Variants in PRDM16 observed in about 807,000 individuals in gnomAD.
PRDM16 encodes PR/SET domain 16.
Under a neutral mutation model 110.6 loss-of-function variants are expected in PRDM16, and 23 were observed. The ratio of observed to expected loss-of-function variants is 0.21; its 90% CI spans 0.15 to 0.29. The LOEUF (loss-of-function observed/expected upper bound fraction) is 0.29. PRDM16 is among the 10% of genes least tolerant of loss of function. PRDM16 has a pLI of 1.00. For missense variants in PRDM16, 1,615 were observed against 1,794.3 expected (o/e 0.90, Z 1.81); for synonymous variants, 799 against 781.8 (o/e 1.02, Z -0.37).
At chr1:3,334,940 C>T (rs565365985) in intron 3 of PRDM16, among the ~76,000 whole-genome samples, 3 of 152,344 alleles carry the variant, frequency 2.0e-5, no homozygotes, top group African/African-American at 7.2e-5. Context: ...GCCATCCACG[C>T]GTCCAACCCC....
rs755741790 is a variant in PRDM16 at position 3,430,859 on chromosome 1, T to TG, written c.3285-12dup. 6.2e-7 allele frequency: 1 copy of TG among 1,613,396 alleles called. No homozygotes were observed. The highest frequency in any genetic ancestry group is 8.5e-7 in the Non-Finnish European group (1 of 1,179,510). ...CACCCAAACTCAGTCAATCTCCTCC[T>TG]GCATCATTTCAGGGCGGACATGCAG... On this transcript the variant is annotated splice_polypyrimidine_tract_variant and intron_variant, in intron 14 of 16. Transcript: ENST00000270722.
chr1:3,233,867 C>T (rs1418419113), intron 2 of PRDM16, among the ~76,000 whole-genome samples: 2 of 150,672 alleles, frequency 1.3e-5, no homozygotes, highest in Non-Finnish European at 2.9e-5. Context: ...CCAATCATAC[C>T]GCAATGAAGT....
chr1:3,374,161 G>C (rs1355780049), intron 3 of PRDM16, among the ~76,000 whole-genome samples: 2 of 152,210 alleles, frequency 1.3e-5, no homozygotes, highest in Admixed American at 1.3e-4. Context: ...CCAGGGGCCA[G>C]GGCCGGCTTT....
At chr1:3,072,923 G>A (rs982039043) in intron 1 of PRDM16, among the ~76,000 whole-genome samples, 14 of 152,390 alleles carry the variant, frequency 9.2e-5, no homozygotes, top group South Asian at 4.1e-4. Flanking sequence ...GCCATGGCTC[G>A]GAAGCTGGCA....
In PRDM16 at chr1:3,322,885, TTTCTACC is replaced by T. The variant is rs1302763718; in HGVS notation, c.439-62262_439-62256del. ...AGCAGGGGTTCATGGCCTTCTTACC[TTTCTACC>T]TTCTGGATGTGGTTCAGTGGACTGG... is the stretch of plus-strand genomic sequence containing the variant. On this transcript the variant is annotated intron_variant, in intron 3 of 16. Coordinates refer to ENST00000270722, the MANE Select transcript of PRDM16 (RefSeq NM_022114.4). 2.0e-5 allele frequency among the ~76,000 whole-genome samples: 3 copies of T among 152,302 alleles called. No individual in the cohort carries two copies. In the East Asian group the frequency reaches 5.8e-4, roughly 29 times the overall value.
intron 3 of PRDM16, among the ~76,000 whole-genome samples, chr1:3,335,392 G>T (rs1379766416): frequency 6.6e-6 from 1 of 152,202 alleles, no homozygotes; most frequent in East Asian, 1.9e-4. Context: ...GGAGGATGGG[G>T]AACAGTTCCT....
intron 3 of PRDM16, among the ~76,000 whole-genome samples, chr1:3,295,489 G>A (rs1570012603): frequency 1.3e-5 from 2 of 152,320 alleles, no homozygotes; most frequent in East Asian, 3.9e-4. Context: ...CAGCGTGTGG[G>A]GGCTGGGAAG....
At chr1:3,196,623 T>C (rs953720943) in intron 2 of PRDM16, among the ~76,000 whole-genome samples, 8 of 152,178 alleles carry the variant, frequency 5.3e-5, no homozygotes, top group Non-Finnish European at 7.4e-5. Context: ...CTGACCCAGA[T>C]GGTCAGCCTG....
chr1:3,366,780 A>AT (rs1223606590), intron 3 of PRDM16, among the ~76,000 whole-genome samples: 3 of 151,996 alleles, frequency 2.0e-5, no homozygotes, highest in African/African-American at 7.3e-5. Flanking sequence ...TATTTATTTT[A>AT]TTTTTTTACT....
intron 3 of PRDM16, among the ~76,000 whole-genome samples, chr1:3,332,421 G>C (rs1156359611): frequency 1.3e-5 from 2 of 151,850 alleles, no homozygotes; most frequent in South Asian, 4.2e-4. Context: ...GGGGGAGGCC[G>C]TGGGGCGGCT....
At chr1:3,259,397 G>T (rs991239928) in intron 3 of PRDM16, among the ~76,000 whole-genome samples, 2 of 152,236 alleles carry the variant, frequency 1.3e-5, no homozygotes, top group Non-Finnish European at 2.9e-5. Context: ...TCAGGCCTGG[G>T]TGGTAGAGGC....
At position 3,181,096 on chromosome 1, in the gene PRDM16, ACG is replaced by A. The variant is rs1644156976; in HGVS notation, c.38-5027_38-5026del. 2.5e-3 allele frequency among the ~76,000 whole-genome samples: 58 copies of A among 22,856 alleles called. 1 individual carries two copies. Among genetic ancestry groups the A allele is most frequent in the Non-Finnish European group, 5.6e-3 (26 of 4,634 alleles). The allele number at this position is 22,856 out of a possible 152,430, so 15.0% of individuals were successfully genotyped here. A position where few individuals can be genotyped will look rare whatever the true frequency, so the allele number is the denominator to read the frequency against. ...CCCGGTCTTACACACGGCCTTACAC[ACG>A]CAGTCTTACACGCGGCCTTACACAC... is the stretch of plus-strand genomic sequence containing the variant. On this transcript the variant is annotated intron_variant, in intron 1 of 16. Coordinates refer to ENST00000270722, the MANE Select transcript of PRDM16 (RefSeq NM_022114.4).
chr1:3,422,302 G>C (rs1638462555), intron 12 of PRDM16, among the ~76,000 whole-genome samples: 1 of 151,336 alleles, frequency 6.6e-6, no homozygotes, highest in Non-Finnish European at 1.5e-5. Flanking sequence ...CAGGCAGACA[G>C]ACAGGCAGAC....
At chr1:3,094,501 G>A (rs1023309087) in intron 1 of PRDM16, among the ~76,000 whole-genome samples, 2 of 152,222 alleles carry the variant, frequency 1.3e-5, no homozygotes, top group African/African-American at 4.8e-5. Context: ...AGGGCAGTTT[G>A]GGCACAGGAG....
Position 3,425,075 on chromosome 1 carries a change from CTTTT to C in PRDM16, c.2940-489_2940-486del, listed in dbSNP as rs34261616. ...CAGTAGGAGGGTGAACGCCTGCTTG[CTTTT>C]TTTTTTTTTTTTTTTTGAGATGGAG... On this transcript the variant is annotated intron_variant, in intron 12 of 16. Coordinates refer to ENST00000270722, the MANE Select transcript of PRDM16 (RefSeq NM_022114.4). This position sits in a 1 kb window ranked among gnomAD's most constrained non-coding sequence, Gnocchi z 6.9. The C allele has an allele frequency of 8.9e-5, 11 of 123,064 alleles. No homozygotes were observed. The highest frequency in any genetic ancestry group is 2.8e-4 in the South Asian group (1 of 3,566). The allele number at this position is 123,064 out of a possible 1,614,324, so 7.6% of individuals were successfully genotyped here.
chr1:3,233,210 G>A (rs1442077603), intron 2 of PRDM16, among the ~76,000 whole-genome samples: 2 of 152,196 alleles, frequency 1.3e-5, no homozygotes. Flanking sequence ...GGGTGGGGGT[G>A]GCCGGTGGCC....
At chr1:3,292,302 G>A (rs922003908) in intron 3 of PRDM16, among the ~76,000 whole-genome samples, 3 of 152,226 alleles carry the variant, frequency 2.0e-5, no homozygotes, top group Non-Finnish European at 4.4e-5. Flanking sequence ...AGGTGATAAC[G>A]CGGGCACGGC....
At chr1:3,280,062 A>C (rs995650806) in intron 3 of PRDM16, among the ~76,000 whole-genome samples, 2 of 151,544 alleles carry the variant, frequency 1.3e-5, no homozygotes, top group African/African-American at 2.4e-5. Flanking sequence ...AAAAAAAAAA[A>C]CATTTAAATA....
Position 3,353,917 on chromosome 1 carries a change from CAT to C in PRDM16, c.439-31234_439-31233del, listed in dbSNP as rs778918011. Among the ~76,000 whole-genome samples the C allele has an allele frequency of 1.8e-4, 27 of 152,092 alleles. No homozygotes were observed. Among genetic ancestry groups the C allele is most frequent in the Non-Finnish European group, 3.4e-4 (23 of 68,002 alleles). On this transcript the variant is annotated intron_variant, in intron 3 of 16. Coordinates refer to ENST00000270722, the MANE Select transcript of PRDM16 (RefSeq NM_022114.4). This position sits in a 1 kb window ranked among gnomAD's most constrained non-coding sequence, Gnocchi z 5.4. The stretch of plus-strand genomic sequence containing the variant: ...AAGCCAAGGGGGCCCTTGGCACACA[CAT>C]GTGGATGCAGGGCTGCCCACCCAAC...
Sources: gnomAD v4.1 joint callset for allele counts (sites outside exome capture counted in the v4.1 genomes callset) on GRCh38, gnomAD v4.1.1 for gene constraint, Gnocchi (gnomAD v3.1) non-coding constraint, MANE v1.5 for transcripts, NCBI Gene and HGNC (gene_info 2026-07-23, HGNC 2026-07-21) for gene names.